The following ARSG variants were observed in gnomAD, a reference collection of about 807,000 sequenced individuals.
ARSG encodes the protein arylsulfatase G.
In ARSG, 37 loss-of-function variants were observed where a neutral mutation model predicts 50.5. The ratio of observed to expected loss-of-function variants is 0.73; its 90% CI spans 0.56 to 0.96. ARSG has a LOEUF of 0.96. Among genes scored for constraint, ARSG ranks in the 50% least tolerant of loss-of-function variants. The pLI is 0.00. For missense variants in ARSG, 629 were observed against 675.3 expected (o/e 0.93, Z 0.76); for synonymous variants, 225 against 254.6 (o/e 0.88, Z 1.11).
chr17:68,281,436 A>G (rs546722146), intron 1 of ARSG, among the ~76,000 whole-genome samples: 63 of 151,704 alleles, frequency 4.2e-4, no homozygotes, highest in African/African-American at 1.4e-3. Flanking sequence ...GCGTGGTGGC[A>G]TGCACCTCTA....
At chr17:68,448,149 T>C in the ARSG span, among the ~76,000 whole-genome samples, 1 of 152,140 alleles carries the variant, frequency 6.6e-6, no homozygotes, top group Non-Finnish European at 1.5e-5. Context: ...ACACTCCCCT[T>C]GGGCCTTTAT....
In ARSG at chr17:68,307,189, A is replaced by C; in HGVS notation, c.-305A>C. 2.9e-6 allele frequency: 1 copy of C among 343,974 alleles called. No homozygotes were observed. Among genetic ancestry groups the C allele is most frequent in the Admixed American group, 4.5e-5 (1 of 22,294 alleles). 21.3% of individuals were successfully genotyped at this position (343,974 alleles called of 1,614,324 possible). ...CATTGATGTCTAATTATTGAACACG[A>C]CCAGTCATTTTACTGAGCTGCGGTG... On this transcript the variant is annotated 5_prime_UTR_variant, in exon 2 of 12. Coordinates refer to ENST00000621439, the MANE Select transcript of ARSG (RefSeq NM_001267727.2).
At chr17:68,282,762 T>G (rs2075732610) in intron 1 of ARSG, among the ~76,000 whole-genome samples, 2 of 90,802 alleles carry the variant, frequency 2.2e-5, no homozygotes, top group African/African-American at 1.0e-4. Flanking sequence ...GCCAACATAG[T>G]GAAACCCCAT....
the ARSG span, chr17:68,428,631 T>C: frequency 1.8e-5 from 10 of 540,966 alleles, no homozygotes; most frequent in Admixed American, 3.1e-5. Context: ...CCTGGCACTT[T>C]TCCAGATGAT....
intron 1 of ARSG, among the ~76,000 whole-genome samples, chr17:68,282,534 C>T (rs2075725758): frequency 6.6e-6 from 1 of 151,570 alleles, no homozygotes; most frequent in South Asian, 2.1e-4. Context: ...CGCAGTGGCT[C>T]ACGCCTGTAA....
At chr17:68,396,762 G>T (rs777261932) in intron 10 of ARSG, among the ~76,000 whole-genome samples, 1 of 152,196 alleles carries the variant, frequency 6.6e-6, no homozygotes, top group Non-Finnish European at 1.5e-5. Flanking sequence ...CATTAATGCA[G>T]TTTTTAGGGG....
At chr17:68,348,864 G>T (rs910522366) in intron 4 of ARSG, among the ~76,000 whole-genome samples, 1 of 152,186 alleles carries the variant, frequency 6.6e-6, no homozygotes, top group African/African-American at 2.4e-5. Context: ...GCCCTGGGCT[G>T]TTCCTCAGGT....
At chr17:68,422,500 G>A (rs1419140030), downstream of ARSG, 1 of 150,610 alleles carries the variant, frequency 6.6e-6, no homozygotes, top group African/African-American at 2.4e-5. Flanking sequence ...AGGAGGCTGA[G>A]GGGGGTGATC....
At chr17:68,401,077 G>T in intron 10 of ARSG, 1 of 337,680 alleles carries the variant, frequency 3.0e-6, no homozygotes, top group Non-Finnish European at 5.5e-6. Context: ...AGGCTGGAGT[G>T]CAGTGGTATG....
chr17:68,415,039 C>T (rs975100046), intron 11 of ARSG, among the ~76,000 whole-genome samples: 1 of 151,984 alleles, frequency 6.6e-6, no homozygotes, highest in Non-Finnish European at 1.5e-5. Flanking sequence ...TAGTTCTGCT[C>T]TGATCTTGGT....
the ARSG span, among the ~76,000 whole-genome samples, chr17:68,432,520 G>A: frequency 1.2e-4 from 18 of 152,128 alleles, no homozygotes; most frequent in Non-Finnish European, 1.3e-4. Flanking sequence ...AGGTTGAGGC[G>A]GGTGGATCAT....
chr17:68,266,887 T>TAG (rs1328419608), intron 1 of ARSG: 1 of 152,012 alleles, frequency 6.6e-6, no homozygotes, highest in Non-Finnish European at 1.5e-5. Context: ...GTGTCTCTAG[T>TAG]AGAGTTAAAA....
downstream of ARSG, chr17:68,421,615 T>C (rs563259935): frequency 2.0e-5 from 19 of 969,692 alleles, no homozygotes; most frequent in African/African-American, 2.9e-4. Flanking sequence ...GGAAGCTTGG[T>C]GAGGAGTTAA....
chr17:68,384,244 T>G (rs187209817), intron 8 of ARSG, among the ~76,000 whole-genome samples: 110 of 152,162 alleles, frequency 7.2e-4, no homozygotes, highest in African/African-American at 2.5e-3. Context: ...GGGGTGTGTG[T>G]GGGGGTGGTG....
intron 9 of ARSG, 121 bp from the exon 10 acceptor site, chr17:68,394,952 G>T: frequency 7.1e-7 from 1 of 1,404,070 alleles, no homozygotes; most frequent in Non-Finnish European, 9.7e-7. Flanking sequence ...GAGAAGTTAA[G>T]CCAGCCCATA....
At chr17:68,434,503 C>A in the ARSG span, 2 of 1,599,014 alleles carry the variant, frequency 1.3e-6, no homozygotes, top group South Asian at 2.2e-5. Context: ...TGCCAGCGGT[C>A]CCTGCGGGAC....
At chr17:68,353,540 A>C (rs889628077) in intron 5 of ARSG, among the ~76,000 whole-genome samples, 1 of 152,162 alleles carries the variant, frequency 6.6e-6, no homozygotes, top group Non-Finnish European at 1.5e-5. Flanking sequence ...AACAAAAACC[A>C]GCCCAGGGAT....
upstream of ARSG, among the ~76,000 whole-genome samples, chr17:68,288,059 C>A (rs57594173): frequency 0.37 from 55,083 of 148,004 alleles, 10,358 homozygotes; most frequent in Admixed American, 0.4. Flanking sequence ...CACAGTGGTG[C>A]GATCTCAGCC....
chr17:68,421,743 G>A, downstream of ARSG: 1 of 1,614,082 alleles, frequency 6.2e-7, no homozygotes, highest in Non-Finnish European at 8.5e-7. Flanking sequence ...TGATAGGGGG[G>A]ATGTCCTGAT....
Sources: allele counts gnomAD v4.1 joint callset (sites outside exome capture counted in the v4.1 genomes callset), GRCh38; gene constraint gnomAD v4.1.1; transcripts MANE v1.5; gene names NCBI Gene and HGNC (gene_info 2026-07-23, HGNC 2026-07-21).